Variants in DNAJC10 observed in about 807,000 individuals in gnomAD.
DNAJC10 encodes DnaJ heat shock protein family (Hsp40) member C10, also known as endoplasmic reticulum disulfide reductase DNAJC10.
DNAJC10 carries 101 observed loss-of-function variants against 115.0 expected under a neutral mutation model. The observed-to-expected ratio is 0.88, with a 90% CI of 0.75 to 1.04. The LOEUF is 1.04. DNAJC10 is among the 50% of genes least tolerant of loss of function. The probability of loss-of-function intolerance (pLI) is 0.00; values close to 1 mark genes in which losing one functional copy is unlikely to be tolerated. For synonymous variants in DNAJC10, 307 were observed against 301.5 expected (o/e 1.02, Z -0.19); for missense variants, 981 against 928.8 (o/e 1.06, Z -0.73).
Position 182,782,998 on chromosome 2 carries a change from A to G in DNAJC10, c.*5866A>G, listed in dbSNP as rs1694881708. ...TGTCTTGTGCCGGTTTTCAAAGGGAATGCTTGCAGCTTTTGCCCATTCAGT... is the reference window on the plus strand; with the variant it reads ...TGTCTTGTGCCGGTTTTCAAAGGGAGTGCTTGCAGCTTTTGCCCATTCAGT... On this transcript the variant is annotated 3_prime_UTR_variant, in exon 24 of 24. Transcript: ENST00000264065. 6.6e-6 allele frequency: 1 copy of G among 152,190 alleles called. No individual in the cohort carries two copies. The highest frequency in any genetic ancestry group is 1.5e-5 in the Non-Finnish European group (1 of 68,030). 9.4% of individuals were successfully genotyped at this position (152,190 alleles called of 1,614,324 possible).
intron 22 of DNAJC10, among the ~76,000 whole-genome samples, chr2:182,771,862 C>T (rs933846819): frequency 1.3e-5 from 2 of 152,092 alleles, no homozygotes; most frequent in Admixed American, 1.3e-4. Context: ...CTTCTGCTAG[C>T]TTTTGAATTT....
At chr2:182,739,175 TATATAGTATATATC>T (rs1340650918) in intron 11 of DNAJC10, among the ~76,000 whole-genome samples, 7 of 147,320 alleles carry the variant, frequency 4.8e-5, no homozygotes, top group Non-Finnish European at 1.0e-4. Context: ...TATATATATA[TATATAGTATATATC>T]ATATATATTT....
intron 3 of DNAJC10, among the ~76,000 whole-genome samples, chr2:182,718,695 G>A (rs1574913453): frequency 1.3e-5 from 2 of 152,264 alleles, no homozygotes; most frequent in East Asian, 3.9e-4. Context: ...GCTAATAATA[G>A]CATGTTTTAA....
At chr2:182,767,853 T>G (rs1355583666) in intron 22 of DNAJC10, among the ~76,000 whole-genome samples, 4 of 152,120 alleles carry the variant, frequency 2.6e-5, no homozygotes, top group African/African-American at 9.7e-5. Flanking sequence ...TTTTCAGCAT[T>G]CCTTATCATA....
At chr2:182,767,151 G>C (rs1035977804) in intron 22 of DNAJC10, among the ~76,000 whole-genome samples, 83 of 152,252 alleles carry the variant, frequency 5.5e-4, no homozygotes, top group African/African-American at 1.9e-3. Flanking sequence ...ATTCCTTTCA[G>C]GTGGAGATAA....
chr2:182,782,549 G>C lies in DNAJC10; in HGVS notation c.*5417G>C, dbSNP rs1298173642. 2 of 152,140 alleles carry C rather than the reference G, an allele frequency of 1.3e-5. No individual in the cohort carries two copies. The allele number at this position is 152,140 out of a possible 1,614,324, so 9.4% of individuals were successfully genotyped here. ...CACAATATTAATTCTTCCTATCCATGAGCATGGAATGCTTTTTCCATTTGT... is the reference window on the plus strand; with the variant it reads ...CACAATATTAATTCTTCCTATCCATCAGCATGGAATGCTTTTTCCATTTGT... On this transcript the variant is annotated 3_prime_UTR_variant, in exon 24 of 24. Coordinates refer to ENST00000264065, the MANE Select transcript of DNAJC10 (RefSeq NM_018981.4).
intron 16 of DNAJC10, among the ~76,000 whole-genome samples, chr2:182,753,455 A>G (rs1417037122): frequency 6.6e-6 from 1 of 152,078 alleles, no homozygotes; most frequent in Non-Finnish European, 1.5e-5. Context: ...CATTTTTATA[A>G]AAGGAAATAA....
At chr2:182,776,741 G>T (rs544959989) in intron 23 of DNAJC10, among the ~76,000 whole-genome samples, 2 of 152,114 alleles carry the variant, frequency 1.3e-5, no homozygotes, top group Non-Finnish European at 2.9e-5. Context: ...TGTTTTTCTA[G>T]TGTTTCGCTA....
chr2:182,769,803 T>C (rs996754765), intron 22 of DNAJC10, among the ~76,000 whole-genome samples: 2 of 152,216 alleles, frequency 1.3e-5, no homozygotes, highest in Non-Finnish European at 2.9e-5. Context: ...TCTTTTGCTG[T>C]GCAGAAGCTC....
chr2:182,756,315 A>T lies in DNAJC10; in HGVS notation c.1655A>T (p.Asp552Val). The part of the protein sequence containing the change: ...SAEQILEFIE[D>V]LMNPSVVSLT... ...TAATGGAAGCTATATTCTCTTCAGG[A>T]TCTTATGAATCCTTCAGTGGTCTCC... The change falls in exon 18 of 24, where the codon GAT (aspartate) becomes GTT (valine). Residue 552 changes from aspartate (D) to valine (V), a missense_variant and splice_region_variant. Asp to Val is a radical substitution (Grantham distance 152, BLOSUM62 -3). Transcript: ENST00000264065. The T allele has an allele frequency of 6.2e-7, 1 of 1,610,426 alleles. No individual in the cohort carries two copies. Among genetic ancestry groups the T allele is most frequent in the Non-Finnish European group, 8.5e-7 (1 of 1,178,318 alleles).
intron 14 of DNAJC10, among the ~76,000 whole-genome samples, chr2:182,748,780 C>T (rs186608685): frequency 2.0e-5 from 3 of 152,180 alleles, no homozygotes; most frequent in Non-Finnish European, 4.4e-5. Context: ...CCTGCTTTCT[C>T]TTGTGGGCAT....
rs1207570776 is a variant in DNAJC10 at position 182,757,711 on chromosome 2, A to G, written c.1829A>G (p.Asn610Ser). Reference sequence around the variant, plus strand: ...TTACAGACATTAACTGGACTGATCAACGTGGGCAGTATAGATTGCCAACAG... The same window carrying G: ...TTACAGACATTAACTGGACTGATCAGCGTGGGCAGTATAGATTGCCAACAG... ...RMARTLTGLI[N>S]VGSIDCQQYH... is the part of the protein sequence containing the mutation. Residue 610 changes from asparagine to serine, a missense_variant, in exon 19 of 24, where the codon AAC becomes AGC. Transcript: ENST00000264065. 1 of 1,585,048 alleles carries G rather than the reference A, an allele frequency of 6.3e-7. No homozygotes were observed.
intron 22 of DNAJC10, among the ~76,000 whole-genome samples, chr2:182,772,170 T>C (rs1190687666): frequency 6.6e-6 from 1 of 152,248 alleles, no homozygotes; most frequent in Non-Finnish European, 1.5e-5. Context: ...TTGATTGCAC[T>C]GTGGTCTGAG....
chr2:182,753,664 G>A (rs1694084943), intron 16 of DNAJC10, among the ~76,000 whole-genome samples: 1 of 136,718 alleles, frequency 7.3e-6, no homozygotes, highest in Admixed American at 8.2e-5. Context: ...CTCACTGCAA[G>A]CTCCACCCCC....
At chr2:182,736,169 T>G in intron 10 of DNAJC10, 80 bp from the exon 11 acceptor site, 1 of 1,412,710 alleles carries the variant, frequency 7.1e-7, no homozygotes, top group South Asian at 1.5e-5. Flanking sequence ...AAATTGTGTT[T>G]TTAGCTAAGT....
chr2:182,738,511 A>G (rs1158354741), intron 11 of DNAJC10, among the ~76,000 whole-genome samples: 1 of 151,824 alleles, frequency 6.6e-6, no homozygotes, highest in African/African-American at 2.4e-5. Flanking sequence ...ATTAAACATT[A>G]CTTGTCCCTC....
chr2:182,732,921 T>A (rs986563689), intron 10 of DNAJC10, among the ~76,000 whole-genome samples: 2 of 152,000 alleles, frequency 1.3e-5, no homozygotes, highest in Admixed American at 1.3e-4. Context: ...TGATGTTGAT[T>A]TTTTAACACC....
At chr2:182,719,616 C>T (rs970517121) in intron 3 of DNAJC10, among the ~76,000 whole-genome samples, 1 of 151,648 alleles carries the variant, frequency 6.6e-6, no homozygotes, top group South Asian at 2.1e-4. Context: ...GATTTTACCT[C>T]AAATAGAAAA....
rs945554722 is a variant in DNAJC10, at chr2:182,782,335, T to G, written c.*5203T>G. On this transcript the variant is annotated 3_prime_UTR_variant, in exon 24 of 24. Coordinates refer to ENST00000264065, the MANE Select transcript of DNAJC10 (RefSeq NM_018981.4). ...CTGTTTTGGTACCAGTACCATGCTG[T>G]TTTGGTTACTGAGCCTTGTAGTATA... 6.6e-6 allele frequency: 1 copy of G among 152,164 alleles called. No homozygotes were observed. Among genetic ancestry groups the G allele is most frequent in the African/African-American group, 2.4e-5 (1 of 41,432 alleles). The allele number at this position is 152,164 out of a possible 1,614,324, so 9.4% of individuals were successfully genotyped here.
Sources: allele counts gnomAD v4.1 joint callset (sites outside exome capture counted in the v4.1 genomes callset), GRCh38; gene constraint gnomAD v4.1.1; transcripts MANE v1.5; gene names NCBI Gene and HGNC (gene_info 2026-07-23, HGNC 2026-07-21).